Variants in EIF4EBP1 observed in about 807,000 individuals in gnomAD.
EIF4EBP1 encodes eukaryotic translation initiation factor 4E-binding protein 1.
EIF4EBP1 carries 5 observed loss-of-function variants against 9.2 expected under a neutral mutation model. That is an observed-to-expected ratio of 0.54 (90% CI 0.28 to 1.14). EIF4EBP1 has a LOEUF of 1.14. Ranked by LOEUF, EIF4EBP1 falls within the 50% of genes most tolerant of loss-of-function variation. The pLI is 0.09. For missense variants in EIF4EBP1, 139 were observed against 169.6 expected (o/e 0.82, Z 1.00); for synonymous variants, 62 against 67.0 (o/e 0.93, Z 0.36).
intron 2 of EIF4EBP1, among the ~76,000 whole-genome samples, chr8:38,058,283 T>G (rs1181785218): frequency 6.6e-6 from 1 of 152,212 alleles, no homozygotes; most frequent in African/African-American, 2.4e-5. Context: ...CTGCTGGGCT[T>G]CTGGTGAGGG....
At chr8:38,044,705 A>G (rs1809428617) in intron 1 of EIF4EBP1, among the ~76,000 whole-genome samples, 1 of 152,118 alleles carries the variant, frequency 6.6e-6, no homozygotes, top group Non-Finnish European at 1.5e-5. Flanking sequence ...CTCCCAAAGC[A>G]TTGTGATTGC....
intron 1 of EIF4EBP1, among the ~76,000 whole-genome samples, chr8:38,056,726 T>C (rs144911366): frequency 1.9e-3 from 290 of 151,316 alleles, no homozygotes; most frequent in African/African-American, 6.5e-3. Flanking sequence ...TGTACAGTGG[T>C]GCAATCGGCT....
At chr8:38,045,992 G>A (rs1331973289) in intron 1 of EIF4EBP1, among the ~76,000 whole-genome samples, 4 of 151,550 alleles carry the variant, frequency 2.6e-5, no homozygotes, top group African/African-American at 7.3e-5. Flanking sequence ...TGCAACCTCT[G>A]CCTGGGTTCA....
intron 1 of EIF4EBP1, among the ~76,000 whole-genome samples, chr8:38,051,747 C>T (rs1329155490): frequency 1.3e-5 from 2 of 152,066 alleles, no homozygotes; most frequent in African/African-American, 4.8e-5. Flanking sequence ...TAGGTGTGTG[C>T]CACCATGCCC....
At chr8:38,044,399 G>A (rs925675173) in intron 1 of EIF4EBP1, among the ~76,000 whole-genome samples, 2 of 152,098 alleles carry the variant, frequency 1.3e-5, no homozygotes, top group Admixed American at 1.3e-4. Context: ...TTCCAGCTGA[G>A]AGTGTTAGCT....
chr8:38,052,322 G>A (rs1809536979), intron 1 of EIF4EBP1, among the ~76,000 whole-genome samples: 2 of 151,604 alleles, frequency 1.3e-5, no homozygotes, highest in South Asian at 4.2e-4. Flanking sequence ...GTCCAATGGT[G>A]CAACCACTGC....
chr8:38,034,587 G>T (rs1450225961), intron 1 of EIF4EBP1, among the ~76,000 whole-genome samples: 1 of 152,172 alleles, frequency 6.6e-6, no homozygotes, highest in Non-Finnish European at 1.5e-5. Flanking sequence ...GCTCCGTGTT[G>T]CATGTTTGAC....
chr8:38,056,018 G>A (rs1486154105), intron 1 of EIF4EBP1, among the ~76,000 whole-genome samples: 6 of 151,990 alleles, frequency 3.9e-5, no homozygotes, highest in Non-Finnish European at 8.8e-5. Flanking sequence ...CAAAGCCCAG[G>A]CATTTCTCTC....
chr8:38,047,162 ACG>A (rs1341115864), intron 1 of EIF4EBP1, among the ~76,000 whole-genome samples: 1 of 152,156 alleles, frequency 6.6e-6, no homozygotes, highest in African/African-American at 2.4e-5. Flanking sequence ...ATCTCCTCTT[ACG>A]CCTGTCTGTG....
Position 38,031,426 on chromosome 8 carries a change from C to G in EIF4EBP1, c.145+708C>G, listed in dbSNP as rs529980719. On this transcript the variant is annotated intron_variant, in intron 1 of 2. Transcript: ENST00000338825. The stretch of plus-strand genomic sequence containing the variant: ...AGCTGAGCTGGCACGGGTGGGGGGG[C>G]CAGCCTCGGGCTGCCCTCAGGAACC... 4.9e-4 allele frequency among the ~76,000 whole-genome samples: 75 copies of G among 152,260 alleles called. 1 individual carries two copies. The Middle Eastern group carries it at 0.01, about 21-fold the overall frequency.
At chr8:38,057,367 C>T in intron 2 of EIF4EBP1, 107 bp downstream of exon 2, 1 of 1,325,272 alleles carries the variant, frequency 7.5e-7, no homozygotes, top group South Asian at 1.5e-5. Context: ...AACAGGGACT[C>T]TGCCCTACCC....
At chr8:38,056,028 CT>C (rs538960738) in intron 1 of EIF4EBP1, among the ~76,000 whole-genome samples, 20 of 149,022 alleles carry the variant, frequency 1.3e-4, no homozygotes, top group Admixed American at 2.7e-4. Flanking sequence ...GCATTTCTCT[CT>C]TTTTTTTTTG....
Position 38,038,108 on chromosome 8 carries a change from C to T in EIF4EBP1, c.145+7390C>T, listed in dbSNP as rs1291628556. Among the ~76,000 whole-genome samples, 4 of 152,164 alleles carry T rather than the reference C, an allele frequency of 2.6e-5. 1 individual carries two copies. The highest frequency in any genetic ancestry group is 2.6e-4 in the Admixed American group (4 of 15,260). On this transcript the variant is annotated intron_variant, in intron 1 of 2. Coordinates refer to ENST00000338825, the MANE Select transcript of EIF4EBP1 (RefSeq NM_004095.4). ...TTCTCTGAACCCTCCTACTTATCCT[C>T]ATACAGATAGTCCCCGATTATGATG...
At chr8:38,044,636 C>T (rs1452547870) in intron 1 of EIF4EBP1, among the ~76,000 whole-genome samples, 1 of 152,130 alleles carries the variant, frequency 6.6e-6, no homozygotes, top group Non-Finnish European at 1.5e-5. Flanking sequence ...ATGGGGGTCT[C>T]ACTGTGTTGC....
chr8:38,052,425 T>A (rs1809538069), intron 1 of EIF4EBP1, among the ~76,000 whole-genome samples: 2 of 151,668 alleles, frequency 1.3e-5, no homozygotes, highest in South Asian at 4.1e-4. Flanking sequence ...CATGCCTGGT[T>A]AATTTTTTAA....
At chr8:38,041,001 T>C (rs894177410) in intron 1 of EIF4EBP1, among the ~76,000 whole-genome samples, 3 of 152,168 alleles carry the variant, frequency 2.0e-5, no homozygotes, top group African/African-American at 7.2e-5. Context: ...GGTTTTACCA[T>C]GTTGCCCATG....
chr8:38,031,299 A>G (rs1809214977), intron 1 of EIF4EBP1, among the ~76,000 whole-genome samples: 1 of 150,978 alleles, frequency 6.6e-6, no homozygotes, highest in South Asian at 2.1e-4. Context: ...CGCGGGGGGG[A>G]CCCTGGCGCC....
chr8:38,037,462 C>T (rs969666071), intron 1 of EIF4EBP1, among the ~76,000 whole-genome samples: 5 of 151,994 alleles, frequency 3.3e-5, no homozygotes, highest in South Asian at 2.1e-4. Flanking sequence ...ATTACAGGCA[C>T]GCACCACCAC....
At chr8:38,058,227 C>T (rs1809623486) in intron 2 of EIF4EBP1, among the ~76,000 whole-genome samples, 1 of 152,150 alleles carries the variant, frequency 6.6e-6, no homozygotes, top group South Asian at 2.1e-4. Flanking sequence ...TGGTTTATTT[C>T]TTACAGTTCT....
Sources: allele counts gnomAD v4.1 joint callset (sites outside exome capture counted in the v4.1 genomes callset), GRCh38; gene constraint gnomAD v4.1.1; transcripts MANE v1.5; gene names NCBI Gene and HGNC (gene_info 2026-07-23, HGNC 2026-07-21).